The following ADGRB3 variants were observed in gnomAD, a reference collection of about 807,000 sequenced individuals.
The protein encoded by ADGRB3 is adhesion G protein-coupled receptor B3, also known as brain-specific angiogenesis inhibitor 3.
A neutral mutation model predicts 193.4 loss-of-function variants in ADGRB3; 37 were observed. The observed-to-expected ratio is 0.19, with a 90% CI of 0.15 to 0.25. The LOEUF (loss-of-function observed/expected upper bound fraction) is 0.25, where lower values mean the gene tolerates loss of function less well. ADGRB3 is among the 10% of genes least tolerant of loss of function. The pLI, the probability that ADGRB3 is intolerant of heterozygous loss-of-function variation, is 1.00. For missense variants in ADGRB3, 1,637 were observed against 1,852.9 expected (o/e 0.88, Z 2.14); for synonymous variants, 690 against 644.2 (o/e 1.07, Z -1.08).
chr6:68,884,819 C>A (rs570169713), intron 3 of ADGRB3, among the ~76,000 whole-genome samples: 1 of 152,100 alleles, frequency 6.6e-6, no homozygotes, highest in African/African-American at 2.4e-5. Flanking sequence ...AGGTCAGATT[C>A]TTGGGAGATA....
intron 3 of ADGRB3, among the ~76,000 whole-genome samples, chr6:68,730,354 T>C (rs1392202758): frequency 6.6e-6 from 1 of 151,146 alleles, no homozygotes; most frequent in African/African-American, 2.4e-5. Flanking sequence ...TATTTATTAA[T>C]ATTCTCAGTG....
intron 3 of ADGRB3, among the ~76,000 whole-genome samples, chr6:68,681,221 A>G (rs556491247): frequency 1.3e-5 from 2 of 152,272 alleles, no homozygotes; most frequent in African/African-American, 2.4e-5. Context: ...CTTACAACCC[A>G]AATACCTCCC....
intron 17 of ADGRB3, among the ~76,000 whole-genome samples, chr6:69,102,241 C>G (rs922150413): frequency 6.0e-5 from 9 of 151,140 alleles, no homozygotes; most frequent in African/African-American, 2.2e-4. Flanking sequence ...TGCATAGTCA[C>G]TTTGAAACCT....
intron 3 of ADGRB3, among the ~76,000 whole-genome samples, chr6:68,659,112 C>G (rs1768559760): frequency 6.6e-6 from 1 of 150,672 alleles, no homozygotes; most frequent in Non-Finnish European, 1.5e-5. Flanking sequence ...AATAAATATC[C>G]TATTAGAAAA....
intron 3 of ADGRB3, among the ~76,000 whole-genome samples, chr6:68,860,765 G>T (rs1765129231): frequency 1.3e-5 from 2 of 152,180 alleles, no homozygotes; most frequent in South Asian, 4.1e-4. Context: ...ATACCCAGCA[G>T]TGGGATTCCT....
intron 3 of ADGRB3, among the ~76,000 whole-genome samples, chr6:68,875,507 G>C (rs144905198): frequency 7.4e-4 from 113 of 151,708 alleles, no homozygotes; most frequent in African/African-American, 2.3e-3. Context: ...AAAACTATAA[G>C]AAATAGTTTA....
At chr6:69,034,198 TAC>T (rs1451230212) in intron 13 of ADGRB3, among the ~76,000 whole-genome samples, 4 of 151,948 alleles carry the variant, frequency 2.6e-5, no homozygotes, top group African/African-American at 7.2e-5. Flanking sequence ...TACTTTTTAT[TAC>T]AGAGTCTGAC....
At chr6:69,309,081 A>G (rs1463672213) in intron 20 of ADGRB3, among the ~76,000 whole-genome samples, 1 of 151,732 alleles carries the variant, frequency 6.6e-6, no homozygotes, top group Non-Finnish European at 1.5e-5. Flanking sequence ...AACTCCCCTC[A>G]CTTAATTACC....
intron 17 of ADGRB3, among the ~76,000 whole-genome samples, chr6:69,123,635 A>C (rs1160907616): frequency 6.6e-6 from 1 of 152,208 alleles, no homozygotes; most frequent in Non-Finnish European, 1.5e-5. Context: ...AGAATAAGGC[A>C]ATTTTATATA....
At chr6:68,995,714 A>G (rs1372896323) in intron 11 of ADGRB3, among the ~76,000 whole-genome samples, 2 of 152,068 alleles carry the variant, frequency 1.3e-5, no homozygotes, top group Non-Finnish European at 2.9e-5. Context: ...GCATTTTCCT[A>G]TGTCATTAAC....
intron 3 of ADGRB3, among the ~76,000 whole-genome samples, chr6:68,845,882 T>C (rs1313990552): frequency 6.6e-6 from 1 of 152,138 alleles, no homozygotes; most frequent in Admixed American, 6.5e-5. Flanking sequence ...TGGAACTGAC[T>C]TTGGAACTGG....
chr6:68,808,721 G>T (rs760714282), intron 3 of ADGRB3, among the ~76,000 whole-genome samples: 10 of 141,048 alleles, frequency 7.1e-5, no homozygotes, highest in Non-Finnish European at 1.6e-4. Flanking sequence ...AAGGAAAGAA[G>T]AGGAGGAGAG....
At chr6:68,714,076 C>T (rs1765451637) in intron 3 of ADGRB3, among the ~76,000 whole-genome samples, 1 of 151,660 alleles carries the variant, frequency 6.6e-6, no homozygotes, top group Non-Finnish European at 1.5e-5. Flanking sequence ...TGGCAACATA[C>T]AATCCAAGCA....
chr6:68,829,097 T>C (rs1371751924), intron 3 of ADGRB3, among the ~76,000 whole-genome samples: 6,073 of 55,476 alleles, frequency 0.11, 747 homozygotes, highest in African/African-American at 0.32. Context: ...GTAACTTTTT[T>C]TTTTTTTTTT....
At chr6:69,375,064 T>C (rs1462501895) in intron 30 of ADGRB3, among the ~76,000 whole-genome samples, 2 of 152,134 alleles carry the variant, frequency 1.3e-5, no homozygotes, top group Non-Finnish European at 2.9e-5. Context: ...AGTCAAAATT[T>C]ACCTAAACAG....
intron 17 of ADGRB3, among the ~76,000 whole-genome samples, chr6:69,086,286 T>C (rs6930865): frequency 0.68 from 102,884 of 151,994 alleles, 35,784 homozygotes; most frequent in East Asian, 0.96. Context: ...AGAAAGCTGT[T>C]TGCCCACTCT....
chr6:69,214,711 G>A (rs538942968), intron 17 of ADGRB3, among the ~76,000 whole-genome samples: 8 of 151,624 alleles, frequency 5.3e-5, no homozygotes, highest in Non-Finnish European at 1.0e-4. Flanking sequence ...CCCCACAATT[G>A]CCCATGTCTC....
chr6:69,063,652 T>G (rs1219699790), intron 16 of ADGRB3, among the ~76,000 whole-genome samples: 1 of 151,922 alleles, frequency 6.6e-6, no homozygotes, highest in Non-Finnish European at 1.5e-5. Flanking sequence ...CAGGGAAGGC[T>G]TATTATAACT....
intron 3 of ADGRB3, among the ~76,000 whole-genome samples, chr6:68,785,254 C>T (rs1766940789): frequency 6.6e-6 from 1 of 151,662 alleles, no homozygotes; most frequent in African/African-American, 2.4e-5. Flanking sequence ...GTGCTGCACC[C>T]ATTAACTCGT....
Sources: gnomAD v4.1 joint callset for allele counts (sites outside exome capture counted in the v4.1 genomes callset) on GRCh38, gnomAD v4.1.1 for gene constraint, MANE v1.5 for transcripts, NCBI Gene and HGNC (gene_info 2026-07-23, HGNC 2026-07-21) for gene names.